ENTPD5: variants seen among roughly 807,000 people sequenced by gnomAD.
ENTPD5 encodes nucleoside diphosphate phosphatase ENTPD5.
Under a neutral mutation model 60.2 loss-of-function variants are expected in ENTPD5, and 49 were observed. The observed-to-expected ratio is 0.81, with a 90% confidence interval of 0.65 to 1.03. The LOEUF is 1.03. Among genes scored for constraint, ENTPD5 ranks in the 50% least tolerant of loss-of-function variants. ENTPD5 has a pLI of 0.00. For missense variants in ENTPD5, 480 were observed against 507.6 expected, an observed-to-expected ratio of 0.95 and a Z score of 0.52; for synonymous variants, 187 against 185.4, an observed-to-expected ratio of 1.01 and a Z score of -0.07.
chr14:73,964,613 G>A lies in ENTPD5; in HGVS notation c.*2315C>T, dbSNP rs930906181. ...TTGTCAAGCTGGAACAGTCTTTAGT[G>A]AACACAGCTTACCTCTTTTAAAACT... is the stretch of plus-strand genomic sequence containing the variant. On this transcript the variant is annotated 3_prime_UTR_variant, in exon 16 of 16. Transcript: ENST00000334696. The A allele has an allele frequency of 6.6e-5, 10 of 152,182 alleles. No individual in the cohort carries two copies. Among genetic ancestry groups the A allele is most frequent in the African/African-American group, 2.4e-4 (10 of 41,446 alleles). The allele number at this position is 152,182 out of a possible 1,614,324, so 9.4% of individuals were successfully genotyped here. A position where few individuals can be genotyped will look rare whatever the true frequency, so the allele number is the denominator to read the frequency against.
intron 5 of ENTPD5, chr14:73,986,612 A>C: frequency 1.8e-6 from 1 of 566,166 alleles, no homozygotes; most frequent in South Asian, 2.3e-5. Flanking sequence ...TACCACAACC[A>C]ATTTTCTAGC....
downstream of ENTPD5, chr14:73,963,027 T>C (rs73301427): frequency 4.7e-3 from 7,472 of 1,575,204 alleles, 312 homozygotes; most frequent in African/African-American, 0.089. Flanking sequence ...AAAGATTACG[T>C]TGATGAAAAA....
downstream of ENTPD5, chr14:73,955,809 G>GTTTCA: frequency 6.2e-7 from 1 of 1,614,124 alleles, no homozygotes; most frequent in Non-Finnish European, 8.5e-7. Context: ...TTCCAGGTGT[G>GTTTCA]GGACGCCTGC....
chr14:73,973,800 G>C (rs1233525376), intron 12 of ENTPD5, 77 bp downstream of exon 12: 2 of 1,296,770 alleles, frequency 1.5e-6, no homozygotes, highest in Non-Finnish European at 2.2e-6. Flanking sequence ...CTTGAGTTCT[G>C]GAAAAAGTTT....
chr14:74,003,717 T>C (rs1272345332), intron 3 of ENTPD5, among the ~76,000 whole-genome samples: 4 of 152,118 alleles, frequency 2.6e-5, no homozygotes, highest in Non-Finnish European at 4.4e-5. Context: ...CTGTGTTTAC[T>C]TGTGGCCGAG....
rs1413628905 is a variant in ENTPD5, at chr14:74,006,688, T to A, written c.-71+4403A>T. 3.3e-5 allele frequency among the ~76,000 whole-genome samples: 5 copies of A among 151,310 alleles called. No individual in the cohort carries two copies. The East Asian group carries it at 9.9e-4, about 30-fold the overall frequency. On this transcript the variant is annotated intron_variant, in intron 3 of 15. Coordinates refer to ENST00000334696, the MANE Select transcript of ENTPD5 (RefSeq NM_001249.5). ...GCAACCTTCACCTCCTGAGCTCAAA[T>A]GATCCTCTTGCCTTAGCCTCCTGAC... is the stretch of plus-strand genomic sequence containing the variant.
chr14:73,962,560 T>TG (rs1241478063), downstream of ENTPD5: 1 of 164,654 alleles, frequency 6.1e-6, no homozygotes. Flanking sequence ...ACCAGTCTCT[T>TG]GAAAAAAAAA....
chr14:73,959,582 T>G, downstream of ENTPD5: 2 of 836,426 alleles, frequency 2.4e-6, no homozygotes, highest in Middle Eastern at 2.6e-4. Flanking sequence ...AAAGGTGTTG[T>G]TTTTTTTTTT....
chr14:73,961,188 C>T, downstream of ENTPD5: 1 of 1,613,732 alleles, frequency 6.2e-7, no homozygotes, highest in South Asian at 1.1e-5. Flanking sequence ...TGATGCTGAC[C>T]ACACGGACTT....
chr14:73,994,182 A>G (rs570639514), intron 3 of ENTPD5, among the ~76,000 whole-genome samples: 1 of 151,952 alleles, frequency 6.6e-6, no homozygotes, highest in Non-Finnish European at 1.5e-5. Context: ...CTGGAGTGCA[A>G]TGGTGCAATC....
downstream of ENTPD5, chr14:73,960,328 C>T: frequency 1.0e-6 from 1 of 986,124 alleles, no homozygotes; most frequent in Middle Eastern, 5.2e-4. Context: ...ATCTTTAGTA[C>T]ATTGTAGGTG....
At chr14:73,989,543 C>G (rs2058048337) in intron 3 of ENTPD5, among the ~76,000 whole-genome samples, 1 of 130,420 alleles carries the variant, frequency 7.7e-6, no homozygotes, top group African/African-American at 2.9e-5. Flanking sequence ...ACTAAAAATA[C>G]AAAAATTAGG....
At chr14:73,982,364 C>T (rs1467768650) in intron 6 of ENTPD5, among the ~76,000 whole-genome samples, 5 of 152,038 alleles carry the variant, frequency 3.3e-5, no homozygotes, top group East Asian at 1.9e-4. Flanking sequence ...TGTGAGCCAC[C>T]GTGCCCAGCC....
At chr14:73,958,746 C>G (rs2056563571), downstream of ENTPD5, 5 of 1,440,050 alleles carry the variant, frequency 3.5e-6, no homozygotes, top group Non-Finnish European at 4.5e-6. Flanking sequence ...GAGTTTAACT[C>G]ATGGCTGGCA....
chr14:73,986,023 G>A (rs547911019), intron 5 of ENTPD5, among the ~76,000 whole-genome samples: 3 of 143,890 alleles, frequency 2.1e-5, no homozygotes, highest in African/African-American at 7.7e-5. Flanking sequence ...AGTAAGCCGA[G>A]ATCAGGCCAC....
At chr14:73,982,308 C>T (rs1403159953) in intron 6 of ENTPD5, among the ~76,000 whole-genome samples, 1 of 152,108 alleles carries the variant, frequency 6.6e-6, no homozygotes, top group Non-Finnish European at 1.5e-5. Context: ...CTCCTGACCT[C>T]AGGCAATCCA....
At chr14:73,986,538 C>T in intron 5 of ENTPD5, 1 of 355,866 alleles carries the variant, frequency 2.8e-6, no homozygotes, top group Non-Finnish European at 5.2e-6. Context: ...ATGGCTTCAA[C>T]TCAAAATTTT....
At chr14:74,016,121 A>G (rs1566776511) in intron 1 of ENTPD5, among the ~76,000 whole-genome samples, 191 bp from the exon 2 acceptor site, 1 of 152,212 alleles carries the variant, frequency 6.6e-6, no homozygotes, top group Non-Finnish European at 1.5e-5. Flanking sequence ...CTAAATAGCA[A>G]CTTCCTACTC....
intron 9 of ENTPD5, 83 bp from the exon 10 acceptor site, chr14:73,976,098 A>G (rs763494806): frequency 1.9e-5 from 22 of 1,179,840 alleles, no homozygotes; most frequent in African/African-American, 6.1e-5. Context: ...CCCTCCCAGC[A>G]AAAAATCAGA....
Sources: allele counts gnomAD v4.1 joint callset (sites outside exome capture counted in the v4.1 genomes callset), GRCh38; gene constraint gnomAD v4.1.1; transcripts MANE v1.5; gene names NCBI Gene and HGNC (gene_info 2026-07-23, HGNC 2026-07-21).